LRCH3: variants seen among roughly 807,000 people sequenced by gnomAD.
LRCH3 encodes the protein DISP complex protein LRCH3.
A neutral mutation model predicts 104.5 loss-of-function variants in LRCH3; 68 were observed. That is an observed-to-expected ratio of 0.65 (90% CI 0.54 to 0.80). LRCH3 has a LOEUF of 0.80. Ranked by LOEUF, LRCH3 falls within the 30% of genes least tolerant of loss-of-function variation. The pLI is 0.00. For synonymous variants in LRCH3, 344 were observed against 361.3 expected (o/e 0.95, Z 0.54); for missense variants, 951 against 953.9 (o/e 1.00, Z 0.04).
chr3:197,850,983 G>A (rs2109409006), intron 12 of LRCH3: 2 of 778,490 alleles, frequency 2.6e-6, no homozygotes, highest in Non-Finnish European at 2.4e-6. Context: ...GGCTGCTTAG[G>A]GAAAGAGCCC....
chr3:197,809,602 A>G (rs1028347037), intron 1 of LRCH3, among the ~76,000 whole-genome samples: 9 of 147,316 alleles, frequency 6.1e-5, no homozygotes, highest in South Asian at 2.1e-4. Context: ...TTTTCCCCCA[A>G]TCTGTTTTCT....
chr3:197,850,222 G>A (rs1002070242), intron 12 of LRCH3, among the ~76,000 whole-genome samples: 2 of 152,062 alleles, frequency 1.3e-5, no homozygotes, highest in Non-Finnish European at 2.9e-5. Flanking sequence ...TGGGAAAAAT[G>A]AATTATTGAG....
At chr3:197,797,463 C>G (rs745884627) in intron 1 of LRCH3, among the ~76,000 whole-genome samples, 1 of 151,670 alleles carries the variant, frequency 6.6e-6, no homozygotes, top group African/African-American at 2.4e-5. Context: ...ACTGTCAACT[C>G]AGGGAGATAC....
rs574548720 is a variant in LRCH3 at position 197,842,113 on chromosome 3, C to T, written c.1328+2716C>T. ...TTGGCCTGCCAAAGCGCTGGGATTA[C>T]AGGTGTGAGCCACTGCACCCAGCCA... is the stretch of plus-strand genomic sequence containing the variant. On this transcript the variant is annotated intron_variant, in intron 10 of 20. Coordinates refer to ENST00000425562, the MANE Select transcript of LRCH3 (RefSeq NM_001365715.1). 2.3e-3 allele frequency among the ~76,000 whole-genome samples: 357 copies of T among 152,268 alleles called. 4 individuals carry two copies. The highest frequency in any genetic ancestry group is 8.1e-3 in the African/African-American group (336 of 41,542).
rs1392726574 is a variant in LRCH3 at position 197,792,575 on chromosome 3, TTTTATATATATATA to T, written c.262+1037_262+1050del. Among the ~76,000 whole-genome samples the T allele has an allele frequency of 3.8e-4, 7 of 18,554 alleles. No individual in the cohort carries two copies. The East Asian group carries it at 6.6e-3, about 17-fold the overall frequency. The allele number at this position is 18,554 out of a possible 152,430, so 12.2% of individuals were successfully genotyped here. On this transcript the variant is annotated intron_variant, in intron 1 of 20. Coordinates refer to ENST00000425562, the MANE Select transcript of LRCH3 (RefSeq NM_001365715.1). ...GGCAGCCGCCACCACGCCCAGCTAA[TTTTATATATATATA>T]TATATATATATATATAAAATATACA...
At chr3:197,840,982 G>A (rs746776086) in intron 10 of LRCH3, among the ~76,000 whole-genome samples, 1 of 152,128 alleles carries the variant, frequency 6.6e-6, no homozygotes, top group African/African-American at 2.4e-5. Context: ...AAGAGCTCCA[G>A]GATTTAGTAG....
chr3:197,838,236 A>G (rs1043455042), intron 9 of LRCH3, among the ~76,000 whole-genome samples: 5 of 152,246 alleles, frequency 3.3e-5, no homozygotes, highest in East Asian at 3.8e-4. Flanking sequence ...CCTGGGCCAC[A>G]TAGCGACACT....
intron 9 of LRCH3, among the ~76,000 whole-genome samples, chr3:197,836,300 A>G (rs1736782959): frequency 6.6e-6 from 1 of 152,276 alleles, no homozygotes; most frequent in Non-Finnish European, 1.5e-5. Flanking sequence ...TAAGTCACAC[A>G]GAATGTAAAT....
rs1732987650 is a variant in LRCH3, at chr3:197,810,377, T to G, written c.263-4531T>G. ...CATGTTGGCCAGGCTGGTCTCGAAC[T>G]GCTGACCTTAGGTGATTCACCAGCC... On this transcript the variant is annotated intron_variant, in intron 1 of 20. Coordinates refer to ENST00000425562, the MANE Select transcript of LRCH3 (RefSeq NM_001365715.1). The surrounding 1 kb of genome is among the most constrained non-coding windows in gnomAD (Gnocchi z 4.0). Among the ~76,000 whole-genome samples the G allele has an allele frequency of 6.6e-6, 1 of 152,160 alleles. No homozygotes were observed. The highest frequency in any genetic ancestry group is 2.4e-5 in the African/African-American group (1 of 41,432).
At chr3:197,826,577 T>C (rs1463319102) in intron 4 of LRCH3, among the ~76,000 whole-genome samples, 2 of 152,208 alleles carry the variant, frequency 1.3e-5, no homozygotes, top group Non-Finnish European at 2.9e-5. Flanking sequence ...TAGAGTGTTA[T>C]CTAATCCTTT....
At position 197,832,332 on chromosome 3, in the gene LRCH3, G is replaced by A. The variant is rs201022620; in HGVS notation, c.1102+15G>A. On this transcript the variant is annotated intron_variant, in intron 8 of 20. Coordinates refer to ENST00000425562, the MANE Select transcript of LRCH3 (RefSeq NM_001365715.1). ...AAACGGCGGAGGTAAACATAATTCC[G>A]GTGACAGCTAAAGTGTTTGCAACCA... is the stretch of plus-strand genomic sequence containing the variant. 19 of 1,611,016 alleles carry A rather than the reference G, an allele frequency of 1.2e-5. No homozygotes were observed. The South Asian group carries it at 1.2e-4, about 10-fold the overall frequency.
At chr3:197,820,027 A>G (rs1734311892) in intron 3 of LRCH3, among the ~76,000 whole-genome samples, 1 of 152,184 alleles carries the variant, frequency 6.6e-6, no homozygotes, top group Non-Finnish European at 1.5e-5. Flanking sequence ...GCCTTTTCTA[A>G]ATAGTAAATG....
intron 7 of LRCH3, among the ~76,000 whole-genome samples, chr3:197,831,653 T>C (rs966569127): frequency 4.6e-5 from 7 of 152,202 alleles, no homozygotes; most frequent in Non-Finnish European, 1.0e-4. Flanking sequence ...GAATCTTTTA[T>C]ATTTTTTGAG....
At chr3:197,842,220 T>C (rs948147207) in intron 10 of LRCH3, among the ~76,000 whole-genome samples, 6 of 152,156 alleles carry the variant, frequency 3.9e-5, no homozygotes, top group African/African-American at 1.4e-4. Flanking sequence ...AGTTAGGCTC[T>C]AGGATCAATA....
At position 197,810,320 on chromosome 3, in the gene LRCH3, C is replaced by G. The variant is rs1404308769; in HGVS notation, c.263-4588C>G. 1.3e-5 allele frequency among the ~76,000 whole-genome samples: 2 copies of G among 152,082 alleles called. No individual in the cohort carries two copies. The highest frequency in any genetic ancestry group is 4.8e-5 in the African/African-American group (2 of 41,408). On this transcript the variant is annotated intron_variant, in intron 1 of 20. Coordinates refer to ENST00000425562, the MANE Select transcript of LRCH3 (RefSeq NM_001365715.1). The surrounding 1 kb of genome is among the most constrained non-coding windows in gnomAD (Gnocchi z 4.0). ...TACAGGTGCTCACGACCATGCCCAG[C>G]TTATTTTTGTATTTTAGAAATGGGG...
chr3:197,862,078 C>T (rs527828376), intron 15 of LRCH3, among the ~76,000 whole-genome samples: 1 of 152,140 alleles, frequency 6.6e-6, no homozygotes, highest in Non-Finnish European at 1.5e-5. Context: ...CACTACAAAC[C>T]TCTGCCTCCC....
At position 197,792,580 on chromosome 3, in the gene LRCH3, TA is replaced by T. The variant is rs1321013528; in HGVS notation, c.262+1041del. The stretch of plus-strand genomic sequence containing the variant: ...CCGCCACCACGCCCAGCTAATTTTA[TA>T]TATATATATATATATATATATATAA... On this transcript the variant is annotated intron_variant, in intron 1 of 20. Coordinates refer to ENST00000425562, the MANE Select transcript of LRCH3 (RefSeq NM_001365715.1). 5.0e-3 allele frequency among the ~76,000 whole-genome samples: 207 copies of T among 41,564 alleles called. 12 individuals carry two copies. The highest frequency in any genetic ancestry group is 0.027 in the African/African-American group (201 of 7,548). The allele number at this position is 41,564 out of a possible 152,430, so 27.3% of individuals were successfully genotyped here.
chr3:197,864,137 T>G (rs1041974918), intron 15 of LRCH3, among the ~76,000 whole-genome samples: 70 of 150,864 alleles, frequency 4.6e-4, no homozygotes, highest in African/African-American at 1.6e-3. Context: ...AGAAACCCTG[T>G]CTCTACTAAA....
chr3:197,858,299 C>T (rs965163457), intron 14 of LRCH3, among the ~76,000 whole-genome samples: 2 of 151,970 alleles, frequency 1.3e-5, no homozygotes, highest in Admixed American at 6.6e-5. Flanking sequence ...ATAAAGGATT[C>T]GAAGAAAAGG....
Sources: gnomAD v4.1 joint callset for allele counts (sites outside exome capture counted in the v4.1 genomes callset) on GRCh38, gnomAD v4.1.1 for gene constraint, Gnocchi (gnomAD v3.1) non-coding constraint, MANE v1.5 for transcripts, NCBI Gene and HGNC (gene_info 2026-07-23, HGNC 2026-07-21) for gene names.